Variants in HDAC9 observed in about 807,000 individuals in gnomAD.
HDAC9 encodes MEF-2 interacting transcription repressor (MITR) protein.
Under a neutral mutation model 139.4 loss-of-function variants are expected in HDAC9, and 41 were observed. That is an observed-to-expected ratio of 0.29 (90% CI 0.23 to 0.38). The LOEUF is 0.38. HDAC9 is among the 10% of genes least tolerant of loss of function. HDAC9 has a pLI of 1.00. For missense variants in HDAC9, 1,147 were observed against 1,297.0 expected, an observed-to-expected ratio of 0.88 and a Z score of 1.78; for synonymous variants, 517 against 476.2, an observed-to-expected ratio of 1.09 and a Z score of -1.12.
intron 16 of HDAC9, among the ~76,000 whole-genome samples, chr7:18,783,667 T>A (rs1791445554): frequency 1.3e-5 from 2 of 151,822 alleles, no homozygotes; most frequent in Admixed American, 1.3e-4. Flanking sequence ...GAGACTTTTT[T>A]TTTTTTTTTT....
chr7:18,959,616 T>G (rs1480172170), intron 24 of HDAC9, among the ~76,000 whole-genome samples: 1 of 152,134 alleles, frequency 6.6e-6, no homozygotes. Flanking sequence ...TCCACAACCA[T>G]GTGACAATGA....
At chr7:18,366,535 T>C (rs1282238069) in intron 1 of HDAC9, among the ~76,000 whole-genome samples, 1 of 152,100 alleles carries the variant, frequency 6.6e-6, no homozygotes, top group Non-Finnish European at 1.5e-5. Context: ...CCTTCTTGGC[T>C]GATGAACTTT....
intron 1 of HDAC9, among the ~76,000 whole-genome samples, chr7:18,355,364 AGGCTCT>A (rs1783173331): frequency 6.6e-6 from 1 of 152,150 alleles, no homozygotes; most frequent in Non-Finnish European, 1.5e-5. Flanking sequence ...TTTTCAACAT[AGGCTCT>A]TTATACTACC....
chr7:18,734,661 G>T (rs546755102), intron 13 of HDAC9, among the ~76,000 whole-genome samples: 3 of 152,268 alleles, frequency 2.0e-5, no homozygotes, highest in South Asian at 2.1e-4. Context: ...GTCGATTCCA[G>T]GTCTTTCCTG....
chr7:18,463,014 G>T (rs1311956802), intron 1 of HDAC9, among the ~76,000 whole-genome samples: 2 of 151,864 alleles, frequency 1.3e-5, no homozygotes, highest in East Asian at 3.9e-4. Context: ...CCAATTCCTT[G>T]TCCATACTTG....
intron 22 of HDAC9, among the ~76,000 whole-genome samples, chr7:18,909,289 A>ATG (rs1266240317): frequency 7.0e-6 from 1 of 142,104 alleles, no homozygotes; most frequent in Non-Finnish European, 1.6e-5. Flanking sequence ...TTGTATATAT[A>ATG]TTCTGGAAAT....
chr7:18,454,281 G>A (rs1793147799), intron 1 of HDAC9, among the ~76,000 whole-genome samples: 1 of 151,922 alleles, frequency 6.6e-6, no homozygotes, highest in South Asian at 2.1e-4. Context: ...ATTTTAGGTA[G>A]GTCACTCGAA....
At chr7:18,384,692 T>C (rs1022725855) in intron 1 of HDAC9, among the ~76,000 whole-genome samples, 5 of 152,086 alleles carry the variant, frequency 3.3e-5, no homozygotes, top group African/African-American at 1.2e-4. Context: ...AAACCAGTAG[T>C]TGAGTTATCC....
intron 8 of HDAC9, among the ~76,000 whole-genome samples, chr7:18,637,824 C>T (rs1264518255): frequency 8.6e-5 from 13 of 151,840 alleles, no homozygotes; most frequent in African/African-American, 4.8e-5. Flanking sequence ...AATTCATTCT[C>T]GATAGGTGAG....
rs139466052 is a variant in HDAC9 at position 18,458,768 on chromosome 7, G to A, written c.-41-37494G>A. ...TAGTAACAAAGAGAGAGCTGGAGGT[G>A]GTGGCTCTTGCTTGTCACTCCAACT... On this transcript the variant is annotated intron_variant, in intron 1 of 3. Transcript: ENST00000413509. The A allele has an allele frequency of 1.5e-4, 136 of 885,136 alleles. 1 individual carries two copies. The East Asian group carries it at 3.3e-3, about 22-fold the overall frequency. The allele number at this position is 885,136 out of a possible 1,614,324, so 54.8% of individuals were successfully genotyped here.
At chr7:18,966,131 C>T (rs1431535900) in intron 24 of HDAC9, among the ~76,000 whole-genome samples, 1 of 152,100 alleles carries the variant, frequency 6.6e-6, no homozygotes. Flanking sequence ...ATGAGAAATG[C>T]GTGGAAAGTA....
At chr7:18,256,063 T>A (rs1171153179) in intron 2 of HDAC9, among the ~76,000 whole-genome samples, 2 of 123,264 alleles carry the variant, frequency 1.6e-5, no homozygotes, top group Non-Finnish European at 3.9e-5. Context: ...TCTCAGCATA[T>A]CTAGGACTTT....
At chr7:18,109,091 T>C (rs1783430541) in intron 1 of HDAC9, among the ~76,000 whole-genome samples, 1 of 152,150 alleles carries the variant, frequency 6.6e-6, no homozygotes, top group African/African-American at 2.4e-5. Flanking sequence ...AGTGAAGACT[T>C]CCTGGGGAAA....
chr7:18,791,609 G>T (rs1193559307), intron 16 of HDAC9, among the ~76,000 whole-genome samples: 1 of 152,110 alleles, frequency 6.6e-6, no homozygotes, highest in African/African-American at 2.4e-5. Context: ...AGACCATGAT[G>T]GTATCGACTA....
At chr7:18,228,434 A>G (rs941985213) in intron 2 of HDAC9, among the ~76,000 whole-genome samples, 4 of 152,132 alleles carry the variant, frequency 2.6e-5, no homozygotes, top group Non-Finnish European at 5.9e-5. Context: ...CCATTCAACA[A>G]TCTTGATGTT....
intron 25 of HDAC9, among the ~76,000 whole-genome samples, chr7:18,994,800 T>C (rs1337311431): frequency 6.6e-6 from 1 of 152,220 alleles, no homozygotes; most frequent in Admixed American, 6.5e-5. Flanking sequence ...ATTTCATTTG[T>C]TTGCATAAAC....
intron 1 of HDAC9, among the ~76,000 whole-genome samples, chr7:18,432,324 G>T (rs529804304): frequency 7.2e-5 from 11 of 152,246 alleles, no homozygotes; most frequent in South Asian, 2.1e-4. Flanking sequence ...TTACCTGTCT[G>T]TTTCTTCTAA....
chr7:18,620,232 A>T (rs1485644693), intron 6 of HDAC9, among the ~76,000 whole-genome samples: 1 of 151,900 alleles, frequency 6.6e-6, no homozygotes, highest in Non-Finnish European at 1.5e-5. Flanking sequence ...CAATATTATT[A>T]TTCAATAGCT....
chr7:18,822,267 C>G (rs1335422005), intron 17 of HDAC9, among the ~76,000 whole-genome samples: 1 of 152,176 alleles, frequency 6.6e-6, no homozygotes, highest in African/African-American at 2.4e-5. Flanking sequence ...AGCCCCCAGC[C>G]CCCAGTCATC....
Sources: gnomAD v4.1 joint callset for allele counts (sites outside exome capture counted in the v4.1 genomes callset) on GRCh38, gnomAD v4.1.1 for gene constraint, MANE v1.5 for transcripts, NCBI Gene and HGNC (gene_info 2026-07-23, HGNC 2026-07-21) for gene names.